The following PPP2R2D variants were observed in gnomAD, a reference collection of about 807,000 sequenced individuals.
The protein encoded by PPP2R2D is protein phosphatase 2 regulatory subunit Bdelta.
A neutral mutation model predicts 31.1 loss-of-function variants in PPP2R2D; 9 were observed. The ratio of observed to expected loss-of-function variants is 0.29; its 90% CI spans 0.17 to 0.51. The LOEUF is 0.51. PPP2R2D is among the 20% of genes least tolerant of loss of function. PPP2R2D has a pLI of 0.98. For missense variants in PPP2R2D, 391 were observed against 465.6 expected, an observed-to-expected ratio of 0.84 and a Z score of 1.48; for synonymous variants, 179 against 172.6, an observed-to-expected ratio of 1.04 and a Z score of -0.29.
chr10:131,950,312 C>G (rs1479101753), intron 8 of PPP2R2D, among the ~76,000 whole-genome samples: 1 of 152,138 alleles, frequency 6.6e-6, no homozygotes, highest in Admixed American at 6.6e-5. Flanking sequence ...TTATGAAAGC[C>G]TGAATACACA....
intron 2 of PPP2R2D, among the ~76,000 whole-genome samples, chr10:131,923,334 CA>C (rs1441041320): frequency 4.0e-5 from 6 of 148,504 alleles, no homozygotes; most frequent in Admixed American, 2.7e-4. Flanking sequence ...CCTGGTCAAA[CA>C]GTTTTCCATT....
At chr10:131,951,368 A>C (rs949630318) in intron 8 of PPP2R2D, among the ~76,000 whole-genome samples, 2 of 152,268 alleles carry the variant, frequency 1.3e-5, no homozygotes, top group African/African-American at 2.4e-5. Context: ...GTTCTCTATC[A>C]TAACATATAC....
intron 2 of PPP2R2D, among the ~76,000 whole-genome samples, chr10:131,904,076 G>A (rs987571060): frequency 2.6e-5 from 4 of 152,022 alleles, no homozygotes; most frequent in East Asian, 1.9e-4. Context: ...TGGCAGGGCC[G>A]GCCTGTAATT....
chr10:131,962,746 G>C (rs544822055), downstream of PPP2R2D, among the ~76,000 whole-genome samples: 2 of 152,340 alleles, frequency 1.3e-5, no homozygotes, highest in African/African-American at 4.8e-5. Flanking sequence ...GCCAGGCCCA[G>C]ACCACGTGAC....
intron 2 of PPP2R2D, among the ~76,000 whole-genome samples, chr10:131,917,190 A>G (rs2035817737): frequency 7.5e-6 from 1 of 133,850 alleles, no homozygotes; most frequent in African/African-American, 2.9e-5. Context: ...GTTTGTAGGG[A>G]CCTCAGGTGG....
intron 2 of PPP2R2D, among the ~76,000 whole-genome samples, chr10:131,924,555 T>C (rs1589937923): frequency 6.6e-6 from 1 of 152,174 alleles, no homozygotes; most frequent in East Asian, 1.9e-4. Flanking sequence ...TACCATACTG[T>C]CTTGGTTACT....
At chr10:131,923,296 T>C (rs1205309020) in intron 2 of PPP2R2D, among the ~76,000 whole-genome samples, 1 of 152,250 alleles carries the variant, frequency 6.6e-6, no homozygotes, top group Non-Finnish European at 1.5e-5. Context: ...AGGCATATCC[T>C]GCAGCATGCG....
chr10:131,912,245 G>A (rs2119745823), intron 2 of PPP2R2D: 1 of 152,294 alleles, frequency 6.6e-6, no homozygotes, highest in South Asian at 2.1e-4. Context: ...AGGCTGGAGT[G>A]CAGTGGTGCG....
chr10:131,912,775 C>G (rs1465921121), intron 2 of PPP2R2D, among the ~76,000 whole-genome samples: 1 of 152,182 alleles, frequency 6.6e-6, no homozygotes, highest in African/African-American at 2.4e-5. Flanking sequence ...TTATGTGGCT[C>G]ATTTTATCCT....
intron 2 of PPP2R2D, among the ~76,000 whole-genome samples, chr10:131,918,724 C>T (rs1412062542): frequency 6.7e-6 from 1 of 148,196 alleles, no homozygotes; most frequent in African/African-American, 2.5e-5. Context: ...GTAGGGACCT[C>T]AGGCGGGTGG....
intron 6 of PPP2R2D, among the ~76,000 whole-genome samples, chr10:131,944,442 G>A (rs571422823): frequency 2.3e-5 from 3 of 132,320 alleles, no homozygotes; most frequent in East Asian, 4.0e-4. Flanking sequence ...AACATTATGT[G>A]TTCTTTTTTT....
chr10:131,934,268 G>A (rs149996088), intron 2 of PPP2R2D, among the ~76,000 whole-genome samples, 190 bp from the exon 3 acceptor site: 91 of 152,190 alleles, frequency 6.0e-4, no homozygotes, highest in East Asian at 4.6e-3. Flanking sequence ...CACCTGTGCC[G>A]GCAGGTTCTC....
intron 2 of PPP2R2D, among the ~76,000 whole-genome samples, chr10:131,923,563 G>A (rs1417203688): frequency 2.0e-5 from 3 of 152,136 alleles, no homozygotes; most frequent in Non-Finnish European, 2.9e-5. Flanking sequence ...TAATCCCGCC[G>A]TCAATGTATG....
intron 2 of PPP2R2D, among the ~76,000 whole-genome samples, chr10:131,908,687 C>T (rs1301207213): frequency 1.3e-5 from 2 of 152,182 alleles, no homozygotes; most frequent in East Asian, 1.9e-4. Context: ...TTACTTGTGA[C>T]CATTACAGGG....
chr10:131,925,942 A>G (rs1554894863), intron 2 of PPP2R2D, among the ~76,000 whole-genome samples: 4 of 152,140 alleles, frequency 2.6e-5, no homozygotes, highest in African/African-American at 9.7e-5. Flanking sequence ...GCGCACACAC[A>G]GGCCCTTAGT....
chr10:131,905,822 A>G lies in PPP2R2D; in HGVS notation c.100+4492A>G, dbSNP rs917653638. On this transcript the variant is annotated intron_variant, in intron 2 of 8. Transcript: ENST00000455566. ...TTCAGCGACCATTTGCAGCCAGCAC[A>G]GTACTGATGAAGCCCCACTGTGGCA... Among the ~76,000 whole-genome samples the G allele has an allele frequency of 1.5e-4, 23 of 152,366 alleles. No homozygotes were observed. The East Asian group carries it at 2.9e-3, about 19-fold the overall frequency.
At chr10:131,938,622 T>C (rs1227597448) in intron 3 of PPP2R2D, among the ~76,000 whole-genome samples, 1 of 152,210 alleles carries the variant, frequency 6.6e-6, no homozygotes, top group African/African-American at 2.4e-5. Flanking sequence ...TTCCCAAGCA[T>C]GTTTCTCCAC....
At position 131,955,696 on chromosome 10, in the gene PPP2R2D, C is replaced by T. The variant is rs375643367; in HGVS notation, c.1095C>T (p.Thr365=). 2.7e-6 allele frequency: 4 copies of T among 1,459,446 alleles called. No homozygotes were observed. The highest frequency in any genetic ancestry group is 1.4e-5 in the African/African-American group (1 of 70,298). The allele number at this position is 1,459,446 out of a possible 1,614,324, so 90.4% of individuals were successfully genotyped here. A position where few individuals can be genotyped will look rare whatever the true frequency, so the allele number is the denominator to read the frequency against. The part of the protein sequence containing the change: ...CWNGSDSAIM[T]GSYNNFFRMF... ...TTGTTTTGAACAGCGCCATCATGAC[C>T]GGGTCCTATAACAACTTCTTCAGGA... Residue 365 remains threonine (T), a synonymous_variant, in exon 9 of 9, where the codon ACC becomes ACT. Coordinates refer to ENST00000455566, the MANE Select transcript of PPP2R2D (RefSeq NM_018461.5).
chr10:131,917,444 CAG>C (rs2035828763), intron 2 of PPP2R2D, among the ~76,000 whole-genome samples: 1 of 127,138 alleles, frequency 7.9e-6, no homozygotes, highest in African/African-American at 3.1e-5. Flanking sequence ...GGTGGAATGA[CAG>C]TGTTTGTAGG....
Sources: allele counts gnomAD v4.1 joint callset (sites outside exome capture counted in the v4.1 genomes callset), GRCh38; gene constraint gnomAD v4.1.1; transcripts MANE v1.5; gene names NCBI Gene and HGNC (gene_info 2026-07-23, HGNC 2026-07-21).